The following DAB1 variants were observed in gnomAD, a reference collection of about 807,000 sequenced individuals.
DAB1 encodes disabled homolog 1.
A neutral mutation model predicts 64.6 loss-of-function variants in DAB1; 15 were observed. That is an observed-to-expected ratio of 0.23 (90% confidence interval 0.16 to 0.36). The LOEUF (loss-of-function observed/expected upper bound fraction) is 0.36. Ranked by LOEUF, DAB1 falls within the 10% of genes least tolerant of loss-of-function variation. The probability of loss-of-function intolerance (pLI) is 1.00; values close to 1 mark genes in which losing one functional copy is unlikely to be tolerated. For missense variants in DAB1, 596 were observed against 706.7 expected, an observed-to-expected ratio of 0.84 and a Z score of 1.78; for synonymous variants, 235 against 251.9, an observed-to-expected ratio of 0.93 and a Z score of 0.64.
chr1:57,766,266 TAA>T (rs59419561), intron 6 of DAB1, among the ~76,000 whole-genome samples: 202 of 141,488 alleles, frequency 1.4e-3, no homozygotes, highest in Admixed American at 2.7e-3. Context: ...GCAGGCAGAT[TAA>T]AAAAAAAAAA....
At chr1:57,162,475 G>T (rs80032400) in intron 2 of DAB1, among the ~76,000 whole-genome samples, 6,946 of 152,268 alleles carry the variant, frequency 0.046, 517 homozygotes, top group African/African-American at 0.16. Context: ...TTCACACTAG[G>T]CATTTGAAGG....
chr1:57,851,630 T>C (rs372712513), intron 1 of DAB1, among the ~76,000 whole-genome samples: 6 of 152,350 alleles, frequency 3.9e-5, no homozygotes, highest in African/African-American at 1.4e-4. Context: ...GAAGCATTTC[T>C]ATTCTTCCTA....
chr1:58,224,452 C>T (rs1659350778), intron 4 of DAB1, among the ~76,000 whole-genome samples: 1 of 152,110 alleles, frequency 6.6e-6, no homozygotes, highest in Non-Finnish European at 1.5e-5. Flanking sequence ...AGCAACAATG[C>T]TTTATTTCTC....
Position 58,217,684 on chromosome 1 carries a change from A to G in DAB1, n.310-67096T>C, listed in dbSNP as rs114441692. ...ATTCTCCCATTTTAGAGATAAAGAA[A>G]CTAAGATACAGGCCACACACCTAAC... is the stretch of plus-strand genomic sequence containing the variant. On this transcript the variant is annotated intron_variant and non_coding_transcript_variant, in intron 4 of 20. Coordinates refer to the DAB1 transcript ENST00000485760. Among the ~76,000 whole-genome samples the G allele has an allele frequency of 5.2e-3, 797 of 152,330 alleles. 9 individuals are homozygous for G. Among genetic ancestry groups the G allele is most frequent in the African/African-American group, 0.018 (744 of 41,572 alleles).
At chr1:57,441,485 G>A (rs1306318253) in intron 7 of DAB1, among the ~76,000 whole-genome samples, 1 of 151,786 alleles carries the variant, frequency 6.6e-6, no homozygotes, top group African/African-American at 2.4e-5. Flanking sequence ...CCACCAAGTA[G>A]CTGGGACTAC....
At chr1:58,333,359 A>T (rs181886874) in intron 4 of DAB1, among the ~76,000 whole-genome samples, 158 of 152,322 alleles carry the variant, frequency 1.0e-3, no homozygotes, top group Non-Finnish European at 1.8e-3. Context: ...CCCAGAAAAA[A>T]GGAAAAAAAA....
intron 7 of DAB1, among the ~76,000 whole-genome samples, chr1:57,592,358 C>T (rs1645455246): frequency 6.6e-6 from 1 of 152,062 alleles, no homozygotes; most frequent in Admixed American, 6.5e-5. Flanking sequence ...TCCTCAAGGA[C>T]TTTAGAACCG....
At chr1:58,439,017 G>A (rs944011781) in intron 3 of DAB1, among the ~76,000 whole-genome samples, 2 of 152,062 alleles carry the variant, frequency 1.3e-5, no homozygotes, top group African/African-American at 4.8e-5. Flanking sequence ...TGGGGGCCAG[G>A]GCCTGGGAGC....
intron 4 of DAB1, among the ~76,000 whole-genome samples, chr1:58,191,082 G>C (rs1657364670): frequency 1.3e-5 from 2 of 152,212 alleles, no homozygotes; most frequent in Non-Finnish European, 2.9e-5. Flanking sequence ...CAAGGAGCTT[G>C]AGGTTGGAAA....
At chr1:58,160,298 C>T (rs898138324) in intron 4 of DAB1, among the ~76,000 whole-genome samples, 1 of 152,130 alleles carries the variant, frequency 6.6e-6, no homozygotes, top group Non-Finnish European at 1.5e-5. Flanking sequence ...AGAGTTTCAG[C>T]AGGTTTAAGA....
Position 57,049,606 on chromosome 1 carries a change from C to T in DAB1, c.723+13278G>A, listed in dbSNP as rs1464190254. 2.0e-5 allele frequency among the ~76,000 whole-genome samples: 3 copies of T among 152,004 alleles called. No homozygotes were observed. In the East Asian group the frequency reaches 5.8e-4, roughly 29 times the overall value. On this transcript the variant is annotated intron_variant, in intron 9 of 14. Transcript: ENST00000371236. Reference sequence around the variant, plus strand: ...GTCACCTCAGAGCTAGCTCCAGCTCCCTGTTTGTCTCATCCCAGTCATACA... The same window carrying T: ...GTCACCTCAGAGCTAGCTCCAGCTCTCTGTTTGTCTCATCCCAGTCATACA...
intron 3 of DAB1, among the ~76,000 whole-genome samples, chr1:58,447,884 T>C (rs1444343496): frequency 1.3e-5 from 2 of 149,734 alleles, no homozygotes; most frequent in African/African-American, 4.9e-5. Context: ...TCTTATGCAA[T>C]AAGAAGACTG....
At chr1:58,093,825 G>A (rs1317387061) in intron 5 of DAB1, among the ~76,000 whole-genome samples, 3 of 152,168 alleles carry the variant, frequency 2.0e-5, no homozygotes, top group Admixed American at 1.3e-4. Flanking sequence ...CCTAGGATGG[G>A]CTCCTGGCAC....
chr1:57,789,661 G>T (rs796551503), intron 6 of DAB1, among the ~76,000 whole-genome samples: 11 of 152,222 alleles, frequency 7.2e-5, no homozygotes, highest in African/African-American at 2.6e-4. Context: ...CCTCCTAAAG[G>T]CCCCATCTCC....
rs59229215 is a variant in DAB1, at chr1:57,819,026, A to G, written n.551+64973T>C. Among the ~76,000 whole-genome samples the G allele has an allele frequency of 0.01, 1,579 of 152,242 alleles. 57 individuals are homozygous for G. In the East Asian group the frequency reaches 0.13, roughly 13 times the overall value. ...TTTTTTTAAAAAATCTCTAGTTACT[A>G]TATTCTCTTACCCTCCCTTCTTCTA... is the stretch of plus-strand genomic sequence containing the variant. On this transcript the variant is annotated intron_variant and non_coding_transcript_variant, in intron 6 of 20. Coordinates refer to the DAB1 transcript ENST00000485760.
intron 3 of DAB1, among the ~76,000 whole-genome samples, chr1:58,497,977 T>C (rs985977031): frequency 3.3e-5 from 5 of 152,194 alleles, no homozygotes; most frequent in African/African-American, 1.2e-4. Context: ...TTAATCTGTC[T>C]TTTAATACAG....
At chr1:58,483,027 G>C (rs1229731879) in intron 3 of DAB1, among the ~76,000 whole-genome samples, 3 of 152,174 alleles carry the variant, frequency 2.0e-5, no homozygotes, top group Admixed American at 6.5e-5. Flanking sequence ...CTTAAAATCT[G>C]TTCTATTCTC....
chr1:57,845,787 C>G (rs571947657), intron 1 of DAB1, among the ~76,000 whole-genome samples: 1 of 152,176 alleles, frequency 6.6e-6, no homozygotes, highest in Non-Finnish European at 1.5e-5. Flanking sequence ...TTTGATATAT[C>G]TTAAGTTGAG....
intron 5 of DAB1, among the ~76,000 whole-genome samples, chr1:58,124,094 G>C (rs138132277): frequency 1.0e-3 from 152 of 152,182 alleles, no homozygotes; most frequent in African/African-American, 3.6e-3. Context: ...GTTTGAGTAT[G>C]TGTGCGTGCA....
Sources: gnomAD v4.1 joint callset for allele counts (sites outside exome capture counted in the v4.1 genomes callset) on GRCh38, gnomAD v4.1.1 for gene constraint, MANE v1.5 for transcripts, NCBI Gene and HGNC (gene_info 2026-07-23, HGNC 2026-07-21) for gene names.